ZNF407: variants seen among roughly 807,000 people sequenced by gnomAD.
ZNF407 encodes zinc finger protein 407.
In ZNF407, 17 loss-of-function variants were observed where a neutral mutation model predicts 131.2. That is an observed-to-expected ratio of 0.13 (90% CI 0.09 to 0.19). The LOEUF (loss-of-function observed/expected upper bound fraction) is 0.19, where lower values mean the gene tolerates loss of function less well. ZNF407 is among the 10% of genes least tolerant of loss of function. The pLI is 1.00. For missense variants in ZNF407, 2,681 were observed against 2,830.6 expected, an observed-to-expected ratio of 0.95 and a Z score of 1.20; for synonymous variants, 1,156 against 1,062.0, an observed-to-expected ratio of 1.09 and a Z score of -1.72.
chr18:74,758,459 C>T (rs1969014989), intron 3 of ZNF407, among the ~76,000 whole-genome samples: 1 of 152,146 alleles, frequency 6.6e-6, no homozygotes, highest in African/African-American at 2.4e-5. Flanking sequence ...TCACCCCCTA[C>T]TTTGTCCTGT....
chr18:74,688,924 G>T (rs962778646), intron 3 of ZNF407, among the ~76,000 whole-genome samples: 49 of 152,106 alleles, frequency 3.2e-4, no homozygotes, highest in African/African-American at 8.9e-4. Flanking sequence ...TGCCTTCTGG[G>T]TTCAAGCGAT....
intron 4 of ZNF407, among the ~76,000 whole-genome samples, chr18:74,841,242 G>C (rs1199647609): frequency 1.3e-5 from 2 of 152,102 alleles, no homozygotes; most frequent in African/African-American, 4.8e-5. Flanking sequence ...CATTCTTTTC[G>C]TAGGCTGAAA....
At chr18:74,774,028 A>G (rs941500934) in intron 3 of ZNF407, among the ~76,000 whole-genome samples, 1 of 152,238 alleles carries the variant, frequency 6.6e-6, no homozygotes, top group African/African-American at 2.4e-5. Flanking sequence ...CAACAGTAAG[A>G]GAAGTGATGT....
chr18:74,982,897 C>T (rs1415293833), intron 8 of ZNF407, among the ~76,000 whole-genome samples: 2 of 152,180 alleles, frequency 1.3e-5, no homozygotes, highest in Admixed American at 6.5e-5. Flanking sequence ...CAAAGAAACT[C>T]ATCAACCCTG....
chr18:75,022,127 TA>T (rs1973118227), intron 8 of ZNF407, among the ~76,000 whole-genome samples: 1 of 152,120 alleles, frequency 6.6e-6, no homozygotes, highest in Non-Finnish European at 1.5e-5. Flanking sequence ...CAAACTTTTT[TA>T]AAAGAAAAAA....
chr18:74,982,692 G>A lies in ZNF407; in HGVS notation c.5428+62000G>A, dbSNP rs189931417. Among the ~76,000 whole-genome samples, 270 of 152,294 alleles carry A rather than the reference G, an allele frequency of 1.8e-3. 1 individual carries two copies. The highest frequency in any genetic ancestry group is 6.2e-3 in the African/African-American group (257 of 41,562). The stretch of plus-strand genomic sequence containing the variant: ...CTCTGTTTCCTCTCTTCATCCCACA[G>A]CAGGTAGATAGATAAAAATATTGTA... On this transcript the variant is annotated intron_variant, in intron 8 of 8. Transcript: ENST00000299687.
At chr18:75,004,909 G>A (rs1972890557) in intron 8 of ZNF407, among the ~76,000 whole-genome samples, 1 of 152,160 alleles carries the variant, frequency 6.6e-6, no homozygotes, top group Admixed American at 6.5e-5. Flanking sequence ...GCAGCGCTGG[G>A]ATGGGCAAAT....
chr18:74,628,588 TTATTA>T (rs1454380337), intron 1 of ZNF407, among the ~76,000 whole-genome samples: 2 of 152,060 alleles, frequency 1.3e-5, no homozygotes, highest in African/African-American at 4.8e-5. Context: ...TTATTTTTAT[TTATTA>T]TATTTTCAGA....
chr18:75,014,339 G>T (rs1199266126), intron 8 of ZNF407, among the ~76,000 whole-genome samples: 1 of 151,922 alleles, frequency 6.6e-6, no homozygotes, highest in Non-Finnish European at 1.5e-5. Flanking sequence ...CTTCTAAGAT[G>T]GTCCTTTGTC....
intron 8 of ZNF407, among the ~76,000 whole-genome samples, chr18:75,038,548 T>G (rs1973336372): frequency 6.6e-6 from 1 of 152,160 alleles, no homozygotes; most frequent in South Asian, 2.1e-4. Flanking sequence ...AAATGTCATA[T>G]CTAGCAATTA....
At position 74,995,203 on chromosome 18, in the gene ZNF407, CAA is replaced by C. The variant is rs142796154; in HGVS notation, c.5429-67946_5429-67945del. 9.6e-3 allele frequency among the ~76,000 whole-genome samples: 1,463 copies of C among 152,300 alleles called. 17 individuals carry two copies. The highest frequency in any genetic ancestry group is 0.027 in the African/African-American group (1,137 of 41,566). On this transcript the variant is annotated intron_variant, in intron 8 of 8. Coordinates refer to ENST00000299687, the MANE Select transcript of ZNF407 (RefSeq NM_017757.3). ...AGCTAGATCTGCGTGACTGCAGGGGCAAGTGTGAACGGCAGGGCCTGGCTTGG... is the reference window on the plus strand; with the variant it reads ...AGCTAGATCTGCGTGACTGCAGGGGCGTGTGAACGGCAGGGCCTGGCTTGG...
At chr18:74,604,871 A>T (rs1194935394) in intron 1 of ZNF407, among the ~76,000 whole-genome samples, 1 of 152,144 alleles carries the variant, frequency 6.6e-6, no homozygotes, top group Non-Finnish European at 1.5e-5. Context: ...AGGGCACCCG[A>T]AGCATGGTGT....
Position 74,877,313 on chromosome 18 carries a change from A to T in ZNF407, c.4994A>T (p.Tyr1665Phe), listed in dbSNP as rs1188469959. ...PFKCTWPTCH[Y>F]SFLTASAMKD... ...AAATGTACCTGGCCCACGTGCCATTACTCATTCCTCACAGCCTCCGCAATG... is the reference window on the plus strand; with the variant it reads ...AAATGTACCTGGCCCACGTGCCATTTCTCATTCCTCACAGCCTCCGCAATG... The change falls in exon 5 of 9, where the codon TAC (tyrosine) becomes TTC (phenylalanine). Residue 1665 changes from tyrosine (Y) to phenylalanine (F), a missense_variant. Physicochemically the swap from Tyr to Phe is conservative, Grantham distance 22 (BLOSUM62 3). This residue lies in a region of ZNF407 where 213 missense variants were observed against 332.2 expected (regional missense o/e 0.64). Transcript: ENST00000299687. 6.2e-7 allele frequency: 1 copy of T among 1,613,832 alleles called. No individual in the cohort carries two copies.
intron 4 of ZNF407, among the ~76,000 whole-genome samples, chr18:74,784,594 G>A (rs1969669294): frequency 6.6e-6 from 1 of 152,158 alleles, no homozygotes; most frequent in African/African-American, 2.4e-5. Context: ...TTTTAGTGCA[G>A]TATCCTACAG....
At chr18:74,977,504 A>G (rs930353037) in intron 8 of ZNF407, among the ~76,000 whole-genome samples, 3 of 152,272 alleles carry the variant, frequency 2.0e-5, no homozygotes, top group South Asian at 4.1e-4. Flanking sequence ...TTTCACATCA[A>G]AGATGGCTCA....
intron 3 of ZNF407, among the ~76,000 whole-genome samples, chr18:74,709,063 A>G (rs895141802): frequency 3.9e-5 from 6 of 152,222 alleles, no homozygotes; most frequent in Non-Finnish European, 8.8e-5. Context: ...AATATGCTTG[A>G]ACTTAACTGG....
rs530460763 is a variant in ZNF407, at chr18:74,877,449, C to T, written c.5044+86C>T. 3.3e-6 allele frequency: 4 copies of T among 1,217,406 alleles called. No homozygotes were observed. The African/African-American group carries it at 6.0e-5, about 18-fold the overall frequency. The allele number at this position is 1,217,406 out of a possible 1,614,324, so 75.4% of individuals were successfully genotyped here. A position where few individuals can be genotyped will look rare whatever the true frequency, so the allele number is the denominator to read the frequency against. On this transcript the variant is annotated intron_variant, in intron 5 of 8. Transcript: ENST00000299687. ...GGAACAGAGGCATTAATTATCCCAT[C>T]TTCATAGTAATCAATGGAAATGATG...
chr18:74,756,919 C>A lies in ZNF407; in HGVS notation c.4803-24509C>A, dbSNP rs183771663. ...TAGTATTCATCTTTAATTCTTTTTA[C>A]CTTTGTAAGGTTAGTAGTAATATTC... On this transcript the variant is annotated intron_variant, in intron 3 of 8. Transcript: ENST00000299687. Among the ~76,000 whole-genome samples, 731 of 152,084 alleles carry A rather than the reference C, an allele frequency of 4.8e-3. 3 individuals are homozygous for A. Among genetic ancestry groups the A allele is most frequent in the African/African-American group, 0.016 (684 of 41,546 alleles).
At chr18:74,598,696 C>T (rs911249331) in intron 1 of ZNF407, among the ~76,000 whole-genome samples, 2 of 152,262 alleles carry the variant, frequency 1.3e-5, no homozygotes, top group Admixed American at 1.3e-4. Flanking sequence ...TGCGCCACTG[C>T]GGGGAGACCC....
Sources: allele counts gnomAD v4.1 joint callset (sites outside exome capture counted in the v4.1 genomes callset), GRCh38; gene constraint gnomAD v4.1.1; regional missense constraint gnomAD v4.1.1; transcripts MANE v1.5; gene names NCBI Gene and HGNC (gene_info 2026-07-23, HGNC 2026-07-21).